Variants in PCDHGA6 observed in about 807,000 individuals in gnomAD.
PCDHGA6 encodes the protein protocadherin gamma subfamily A, 6, also known as protocadherin gamma-A6.
In PCDHGA6, 41 loss-of-function variants were observed where a neutral mutation model predicts 60.6. The ratio of observed to expected loss-of-function variants is 0.68; its 90% CI spans 0.53 to 0.88. The LOEUF is 0.88. Among genes scored for constraint, PCDHGA6 ranks in the 40% least tolerant of loss-of-function variants. The pLI is 0.00. For synonymous variants in PCDHGA6, 594 were observed against 524.4 expected (o/e 1.13, Z -1.81); for missense variants, 1,312 against 1,203.0 (o/e 1.09, Z -1.34).
chr5:141,390,448 A>AGT, intron 1 of PCDHGA6: 1 of 845,308 alleles, frequency 1.2e-6, no homozygotes, highest in South Asian at 1.8e-5. Context: ...ACAAAGGAGG[A>AGT]GTAAAGTAGG....
chr5:141,394,891 TCGTGGTGGCAGTGG>T (rs1346277751), intron 1 of PCDHGA6: 11 of 1,613,892 alleles, frequency 6.8e-6, no homozygotes, highest in Non-Finnish European at 9.3e-6. Flanking sequence ...ACACTCTATC[TCGTGGTGGCAGTGG>T]CTGCCATCTC....
At chr5:141,407,407 G>A (rs558103918) in intron 1 of PCDHGA6, among the ~76,000 whole-genome samples, 17 of 152,216 alleles carry the variant, frequency 1.1e-4, no homozygotes, top group African/African-American at 3.6e-4. Context: ...GTTACTATTC[G>A]ATACCACAAA....
intron 1 of PCDHGA6, chr5:141,377,955 G>GTTT (rs1774497186): frequency 6.6e-6 from 1 of 152,022 alleles, no homozygotes; most frequent in African/African-American, 2.4e-5. Context: ...GTGTATCCAG[G>GTTT]GCAACTTGAA....
intron 1 of PCDHGA6, chr5:141,404,321 T>C (rs764642673): frequency 1.2e-6 from 2 of 1,613,882 alleles, no homozygotes; most frequent in East Asian, 2.2e-5. Flanking sequence ...TCAAGCCTCC[T>C]ACTCAGTCTA....
intron 1 of PCDHGA6, chr5:141,385,038 G>T (rs377185831): frequency 1.2e-6 from 2 of 1,614,020 alleles, no homozygotes; most frequent in Admixed American, 1.7e-5. Context: ...TACTGCTGGC[G>T]CTCAGGCTGC....
intron 1 of PCDHGA6, chr5:141,405,413 T>C: frequency 6.4e-7 from 1 of 1,561,606 alleles, no homozygotes; most frequent in South Asian, 1.2e-5. Context: ...TTTTCTTTTT[T>C]TGTTTTTTGT....
chr5:141,499,404 T>G (rs1468724077), intron 2 of PCDHGA6, among the ~76,000 whole-genome samples: 3 of 152,178 alleles, frequency 2.0e-5, no homozygotes, highest in African/African-American at 7.2e-5. Context: ...ACATGCTCAT[T>G]ATAGAAACAT....
intron 1 of PCDHGA6, among the ~76,000 whole-genome samples, chr5:141,457,873 G>C (rs967389295): frequency 2.0e-5 from 3 of 152,200 alleles, no homozygotes; most frequent in Non-Finnish European, 4.4e-5. Context: ...CCACAGGTTA[G>C]GAACCCTGTG....
In PCDHGA6 at chr5:141,489,129, T is replaced by G; in HGVS notation, c.2425-5678T>G. On this transcript the variant is annotated intron_variant, in intron 1 of 3. Coordinates refer to ENST00000517434, the MANE Select transcript of PCDHGA6 (RefSeq NM_018919.3). This position sits in a 1 kb window ranked among gnomAD's most constrained non-coding sequence, Gnocchi z 4.5. ...AAGCAGGCAAACCTCCGAGCAGTTT[T>G]TAAGAGGCTGGAAGGAGACATAAGA... 1 of 761,976 alleles carries G rather than the reference T, an allele frequency of 1.3e-6. No homozygotes were observed. The highest frequency in any genetic ancestry group is 2.0e-6 in the Non-Finnish European group (1 of 490,014). The allele number at this position is 761,976 out of a possible 1,614,324, so 47.2% of individuals were successfully genotyped here.
At chr5:141,387,848 C>T (rs746271589) in intron 1 of PCDHGA6, 1 of 1,597,460 alleles carries the variant, frequency 6.3e-7, no homozygotes, top group South Asian at 1.1e-5. Flanking sequence ...AACCCGGCGT[C>T]TCCAGGCTGG....
At chr5:141,395,346 T>C in intron 1 of PCDHGA6, 1 of 1,396,344 alleles carries the variant, frequency 7.2e-7, no homozygotes. Context: ...TTAAGGTGTA[T>C]CACAGAGTTT....
intron 1 of PCDHGA6, chr5:141,403,047 G>T: frequency 6.2e-7 from 1 of 1,614,062 alleles, no homozygotes; most frequent in Non-Finnish European, 8.5e-7. Flanking sequence ...AGTCAGATTC[G>T]CTACTCAGTG....
intron 1 of PCDHGA6, chr5:141,413,712 T>A (rs1405825615): frequency 9.9e-6 from 16 of 1,613,454 alleles, no homozygotes; most frequent in Middle Eastern, 3.3e-4. Context: ...TCAGCCCCAA[T>A]AAGCACTTCT....
intron 1 of PCDHGA6, chr5:141,422,035 C>A: frequency 6.2e-7 from 1 of 1,611,086 alleles, no homozygotes; most frequent in South Asian, 1.1e-5. Flanking sequence ...TGCAACGGAT[C>A]CAGACGAGGG....
chr5:141,481,257 A>T (rs2099534664), intron 1 of PCDHGA6, among the ~76,000 whole-genome samples: 1 of 152,172 alleles, frequency 6.6e-6, no homozygotes, highest in African/African-American at 2.4e-5. Context: ...GCTCTAAAAG[A>T]TCACTGTAGG....
chr5:141,375,186 T>C lies in PCDHGA6; in HGVS notation c.1103T>C (p.Leu368Pro). 6.2e-7 allele frequency: 1 copy of C among 1,613,988 alleles called. No homozygotes were observed. The highest frequency in any genetic ancestry group is 8.5e-7 in the Non-Finnish European group (1 of 1,179,892). ...ESAPPGTVIA[L>P]FQVFDRDSGL... ...GCACCTCCAGGAACAGTAATCGCCC[T>C]TTTTCAAGTGTTCGATCGAGACTCT... Residue 368 changes from leucine to proline, a missense_variant, in exon 1 of 4, where the codon CTT (leucine) becomes CCT (proline). Leu to Pro is a moderately conservative substitution (Grantham distance 98). Coordinates refer to ENST00000517434, the MANE Select transcript of PCDHGA6 (RefSeq NM_018919.3).
At chr5:141,469,249 C>T (rs1025813940) in intron 1 of PCDHGA6, among the ~76,000 whole-genome samples, 1 of 152,026 alleles carries the variant, frequency 6.6e-6, no homozygotes, top group Non-Finnish European at 1.5e-5. Flanking sequence ...TGCACTCCAG[C>T]TTGGGCAACA....
intron 1 of PCDHGA6, among the ~76,000 whole-genome samples, chr5:141,406,616 T>C (rs1226509680): frequency 1.3e-5 from 2 of 152,242 alleles, no homozygotes; most frequent in Non-Finnish European, 2.9e-5. Flanking sequence ...ACATCTTTTA[T>C]TCTCATATCT....
At chr5:141,478,442 C>G (rs1245219009) in intron 1 of PCDHGA6, 1 of 1,613,608 alleles carries the variant, frequency 6.2e-7, no homozygotes, top group Non-Finnish European at 8.5e-7. Flanking sequence ...GCTGAAGAAA[C>G]CTGGTGCAGC....
Sources: gnomAD v4.1 joint callset for allele counts (sites outside exome capture counted in the v4.1 genomes callset) on GRCh38, gnomAD v4.1.1 for gene constraint, Gnocchi (gnomAD v3.1) non-coding constraint, MANE v1.5 for transcripts, NCBI Gene and HGNC (gene_info 2026-07-23, HGNC 2026-07-21) for gene names.